CDYL2: variants seen among roughly 807,000 people sequenced by gnomAD.
CDYL2 encodes the protein chromodomain Y like 2, also known as chromodomain Y-like protein 2.
In CDYL2, 23 loss-of-function variants were observed where a neutral mutation model predicts 49.4. The ratio of observed to expected loss-of-function variants is 0.47; its 90% CI spans 0.34 to 0.66. The LOEUF (loss-of-function observed/expected upper bound fraction) is 0.66, where lower values mean the gene tolerates loss of function less well. Among genes scored for constraint, CDYL2 ranks in the 30% least tolerant of loss-of-function variants. The pLI, the probability that CDYL2 is intolerant of heterozygous loss-of-function variation, is 0.01. For missense variants in CDYL2, 678 were observed against 656.4 expected (o/e 1.03, Z -0.36); for synonymous variants, 360 against 268.8 (o/e 1.34, Z -3.32).
At chr16:80,708,753 T>G (rs1365614708) in intron 1 of CDYL2, among the ~76,000 whole-genome samples, 17 of 152,068 alleles carry the variant, frequency 1.1e-4, no homozygotes, top group Admixed American at 1.1e-3. Context: ...ACAGGGTTGT[T>G]TTTTTTTGTA....
At chr16:80,638,484 C>G (rs66899821) in intron 2 of CDYL2, among the ~76,000 whole-genome samples, 21,615 of 152,158 alleles carry the variant, frequency 0.14, 1,884 homozygotes, top group Middle Eastern at 0.2. Flanking sequence ...CAAACTGATT[C>G]TAAACTTTAT....
At chr16:80,676,279 T>G (rs539895485) in intron 2 of CDYL2, among the ~76,000 whole-genome samples, 27 of 152,344 alleles carry the variant, frequency 1.8e-4, no homozygotes, top group African/African-American at 5.0e-4. Flanking sequence ...TGTTACTGAC[T>G]TGGAAAAATC....
chr16:80,716,656 C>G (rs375810115), intron 1 of CDYL2, among the ~76,000 whole-genome samples: 1 of 147,158 alleles, frequency 6.8e-6, no homozygotes, highest in African/African-American at 2.5e-5. Context: ...ACATGGATGA[C>G]TGGATGAATA....
intron 4 of CDYL2, among the ~76,000 whole-genome samples, chr16:80,614,020 G>T (rs145504314): frequency 2.8e-4 from 43 of 152,276 alleles, no homozygotes; most frequent in African/African-American, 1.0e-3. Context: ...CTAACTATTT[G>T]CTTGTTTTTG....
intron 2 of CDYL2, among the ~76,000 whole-genome samples, chr16:80,650,668 C>G (rs1908544488): frequency 6.6e-6 from 1 of 152,206 alleles, no homozygotes; most frequent in Non-Finnish European, 1.5e-5. Context: ...TATCTGCACT[C>G]TCATGTTTGT....
intron 6 of CDYL2, among the ~76,000 whole-genome samples, chr16:80,607,229 GC>G (rs2142358442): frequency 6.6e-6 from 1 of 152,232 alleles, no homozygotes; most frequent in South Asian, 2.1e-4. Context: ...CTTGCAGGGG[GC>G]AAGACTTAAA....
intron 3 of CDYL2, among the ~76,000 whole-genome samples, chr16:80,632,237 A>T (rs1323017694): frequency 3.9e-5 from 6 of 152,360 alleles, no homozygotes; most frequent in African/African-American, 1.4e-4. Context: ...ATTTAGCCAT[A>T]AAAGGAATGA....
At chr16:80,767,106 A>C (rs1391244895) in intron 1 of CDYL2, among the ~76,000 whole-genome samples, 5 of 152,054 alleles carry the variant, frequency 3.3e-5, no homozygotes, top group Non-Finnish European at 7.4e-5. Flanking sequence ...CACACACACC[A>C]CACTGCCTCT....
intron 2 of CDYL2, among the ~76,000 whole-genome samples, chr16:80,650,295 A>T (rs1304978029): frequency 6.6e-6 from 1 of 152,200 alleles, no homozygotes; most frequent in Non-Finnish European, 1.5e-5. Flanking sequence ...TCCAATTAAA[A>T]AACTGGCAAA....
In CDYL2 at chr16:80,675,511, C is replaced by T. The variant is rs188957951; in HGVS notation, c.616+9027G>A. Among the ~76,000 whole-genome samples, 291 of 152,314 alleles carry T rather than the reference C, an allele frequency of 1.9e-3. 2 individuals are homozygous for T. The highest frequency in any genetic ancestry group is 3.7e-3 in the Admixed American group (57 of 15,312). On this transcript the variant is annotated intron_variant, in intron 2 of 6. Coordinates refer to ENST00000570137, the MANE Select transcript of CDYL2 (RefSeq NM_152342.4). ...ACCATCACCACCACCACCACCGCTGCCACCATTATCATCATCATTCATGAA... is the reference window on the plus strand; with the variant it reads ...ACCATCACCACCACCACCACCGCTGTCACCATTATCATCATCATTCATGAA...
intron 4 of CDYL2, among the ~76,000 whole-genome samples, chr16:80,617,010 G>T (rs184476173): frequency 6.6e-6 from 1 of 152,294 alleles, no homozygotes; most frequent in Non-Finnish European, 1.5e-5. Flanking sequence ...GCAGCTGCTA[G>T]CCAACACTGC....
chr16:80,625,933 C>T (rs1347677625), intron 3 of CDYL2, among the ~76,000 whole-genome samples: 1 of 151,942 alleles, frequency 6.6e-6, no homozygotes, highest in Non-Finnish European at 1.5e-5. Context: ...ACTAAAAGAA[C>T]TAAAAAGGAA....
At chr16:80,780,598 G>A (rs1374079058) in intron 1 of CDYL2, among the ~76,000 whole-genome samples, 1 of 151,752 alleles carries the variant, frequency 6.6e-6, no homozygotes, top group Non-Finnish European at 1.5e-5. Context: ...GTAGAGACGA[G>A]GTTTCACCGT....
At chr16:80,727,432 G>A (rs1394518486) in intron 1 of CDYL2, among the ~76,000 whole-genome samples, 1 of 152,220 alleles carries the variant, frequency 6.6e-6, no homozygotes, top group East Asian at 1.9e-4. Context: ...TCCCGCACAT[G>A]GCTCGGAAGG....
intron 1 of CDYL2, among the ~76,000 whole-genome samples, chr16:80,738,238 T>A (rs1905608045): frequency 6.6e-6 from 1 of 152,334 alleles, no homozygotes; most frequent in Middle Eastern, 3.4e-3. Context: ...GGTGTATATG[T>A]GCCACATTTT....
At chr16:80,622,824 G>T (rs1259533387) in intron 3 of CDYL2, among the ~76,000 whole-genome samples, 2 of 152,184 alleles carry the variant, frequency 1.3e-5, no homozygotes, top group East Asian at 3.9e-4. Flanking sequence ...GCTCTTCAAA[G>T]GCATGCAGCC....
intron 2 of CDYL2, among the ~76,000 whole-genome samples, chr16:80,640,845 C>T (rs1018851948): frequency 2.0e-5 from 3 of 152,062 alleles, no homozygotes; most frequent in African/African-American, 7.3e-5. Flanking sequence ...CAGAATTGAA[C>T]AAGCGTAAGA....
chr16:80,767,101 A>G (rs989474679), intron 1 of CDYL2, among the ~76,000 whole-genome samples: 3 of 152,142 alleles, frequency 2.0e-5, no homozygotes, highest in African/African-American at 7.2e-5. Context: ...ACACACACAC[A>G]CACCACACTG....
chr16:80,692,975 T>C (rs1910476194), intron 1 of CDYL2, among the ~76,000 whole-genome samples: 1 of 152,188 alleles, frequency 6.6e-6, no homozygotes, highest in Admixed American at 6.5e-5. Flanking sequence ...TGCAGAGAAG[T>C]ACCACTCAAT....
Sources: allele counts gnomAD v4.1 joint callset (sites outside exome capture counted in the v4.1 genomes callset), GRCh38; gene constraint gnomAD v4.1.1; transcripts MANE v1.5; gene names NCBI Gene and HGNC (gene_info 2026-07-23, HGNC 2026-07-21).